The following DNAH2 variants were observed in gnomAD, a reference collection of about 807,000 sequenced individuals.
The protein encoded by DNAH2 is dynein axonemal heavy chain 2.
Under a neutral mutation model 523.5 loss-of-function variants are expected in DNAH2, and 323 were observed. That is an observed-to-expected ratio of 0.62 (90% CI 0.56 to 0.68). The LOEUF (loss-of-function observed/expected upper bound fraction) is 0.68. Among genes scored for constraint, DNAH2 ranks in the 30% least tolerant of loss-of-function variants. The pLI is 0.00. For synonymous variants in DNAH2, 2,093 were observed against 2,177.4 expected (o/e 0.96, Z 1.08); for missense variants, 4,907 against 5,701.5 (o/e 0.86, Z 4.49).
At chr17:7,737,378 G>C in intron 8 of DNAH2, 120 bp downstream of exon 8, 1 of 1,088,076 alleles carries the variant, frequency 9.2e-7, no homozygotes, top group Non-Finnish European at 1.3e-6. Flanking sequence ...TTGCCCTTCT[G>C]CTCAGAGACT....
rs984550977 is a variant in DNAH2, at chr17:7,780,919, C to T, written c.6004-123C>T. ...CACCTCGTCCCATCCCCGTGTTGCC[C>T]GCTGCTTTGCTAATGGCTAACTGGT... On this transcript the variant is annotated intron_variant, in intron 38 of 85. Transcript: ENST00000572933. This position sits in a 1 kb window ranked among gnomAD's most constrained non-coding sequence, Gnocchi z 4.4. 89 of 1,580,490 alleles carry T rather than the reference C, an allele frequency of 5.6e-5. No homozygotes were observed. Among genetic ancestry groups the T allele is most frequent in the South Asian group, 4.4e-4 (39 of 88,284 alleles).
Position 7,804,293 on chromosome 17 carries a change from G to C in DNAH2, c.9010G>C (p.Ala3004Pro). 6.2e-7 allele frequency: 1 copy of C among 1,614,204 alleles called. No homozygotes were observed. Among genetic ancestry groups the C allele is most frequent in the Non-Finnish European group, 8.5e-7 (1 of 1,180,040 alleles). ...AAAACGGCAGGAGCTGCTGGCCCAAGCCAATAAACTGCGGACAGGCTTGTT... is the reference window on the plus strand; with the variant it reads ...AAAACGGCAGGAGCTGCTGGCCCAACCCAATAAACTGCGGACAGGCTTGTT... ...GEKRQELLAQ[A>P]NKLRTGLFKI... The change falls in exon 59 of 86, where the codon GCC becomes CCC. Residue 3004 changes from alanine to proline, a missense_variant. Coordinates refer to ENST00000572933, the MANE Select transcript of DNAH2 (RefSeq NM_020877.5).
chr17:7,799,691 G>A (rs1262993245), intron 56 of DNAH2, among the ~76,000 whole-genome samples: 12 of 151,994 alleles, frequency 7.9e-5, no homozygotes, highest in Admixed American at 3.9e-4. Flanking sequence ...TGGCGGGGGC[G>A]CCTGTAGTCC....
At chr17:7,820,900 G>A (rs749662733) in intron 72 of DNAH2, among the ~76,000 whole-genome samples, 1 of 152,112 alleles carries the variant, frequency 6.6e-6, no homozygotes, top group African/African-American at 2.4e-5. Flanking sequence ...TTAGCCAGGC[G>A]TGGTGATGGG....
chr17:7,810,841 G>A (rs2077497557), intron 63 of DNAH2, among the ~76,000 whole-genome samples: 1 of 149,686 alleles, frequency 6.7e-6, no homozygotes, highest in African/African-American at 2.4e-5. Context: ...CTTATGCATG[G>A]TACTGAGGCT....
intron 28 of DNAH2, 55 bp from the exon 29 acceptor site, chr17:7,774,704 A>C: frequency 6.6e-7 from 1 of 1,521,294 alleles, no homozygotes; most frequent in East Asian, 2.3e-5. Context: ...GGGCATCCAG[A>C]TCCGCCCAGG....
In DNAH2 at chr17:7,804,369, A is replaced by G. The variant is rs2077307211; in HGVS notation, c.9086A>G (p.Glu3029Gly). Residue 3029 changes from glutamate to glycine, a missense_variant, in exon 59 of 86, where the codon GAG becomes GGG. By Grantham distance (98) the Glu-to-Gly change is moderately conservative. Around this residue, in one of 3 missense-constraint regions of DNAH2, gnomAD observed 1,851 missense variants for 2,139.4 expected, o/e 0.87. Transcript: ENST00000572933. ...EKVQVMSLEL[E>G]DAKKKVAEFQ... ...GTGCAAGTGATGTCGTTGGAGCTGG[A>G]GGATGCCAAGAAGAAGGTGGCTGAG... The G allele has an allele frequency of 1.2e-6, 2 of 1,614,182 alleles. No homozygotes were observed. Among genetic ancestry groups the G allele is most frequent in the South Asian group, 2.2e-5 (2 of 91,088 alleles).
At chr17:7,764,751 C>T (rs113597062) in intron 20 of DNAH2, among the ~76,000 whole-genome samples, 30,073 of 147,814 alleles carry the variant, frequency 0.2, 4,057 homozygotes, top group Non-Finnish European at 0.3. Flanking sequence ...TGTGAGCCAC[C>T]GCACCCAGCT....
chr17:7,794,279 G>C lies in DNAH2; in HGVS notation c.7595G>C (p.Gly2532Ala). The change falls in exon 49 of 86, where the codon GGC (glycine) becomes GCC (alanine). Residue 2532 changes from glycine to alanine, a missense_variant. By Grantham distance (60) the Gly-to-Ala change is moderately conservative. Transcript: ENST00000572933. ...GAAATGTTCCTGATGGCTGCCATGG[G>C]CCCCCCTGGGGGTGGACGGACTGTC... is the stretch of plus-strand genomic sequence containing the variant. ...IREMFLMAAM[G>A]PPGGGRTVIS... 1 of 1,608,390 alleles carries C rather than the reference G, an allele frequency of 6.2e-7. No homozygotes were observed. Among genetic ancestry groups the C allele is most frequent in the Non-Finnish European group, 8.5e-7 (1 of 1,177,546 alleles).
intron 58 of DNAH2, among the ~76,000 whole-genome samples, chr17:7,803,425 C>T (rs886802910): frequency 1.3e-5 from 2 of 152,202 alleles, no homozygotes; most frequent in African/African-American, 4.8e-5. Context: ...AATCCCAGCA[C>T]TTTGGGAGGC....
intron 3 of DNAH2, among the ~76,000 whole-genome samples, chr17:7,726,809 C>T (rs1354446031): frequency 4.6e-5 from 7 of 152,078 alleles, no homozygotes; most frequent in African/African-American, 1.7e-4. Context: ...TTCACCTTTA[C>T]CTTTGAGATC....
intron 12 of DNAH2, among the ~76,000 whole-genome samples, chr17:7,750,076 A>C (rs936322839): frequency 1.3e-5 from 2 of 152,050 alleles, no homozygotes; most frequent in African/African-American, 4.8e-5. Flanking sequence ...GTTGCCCAGG[A>C]TCTCTGCTCT....
intron 3 of DNAH2, among the ~76,000 whole-genome samples, chr17:7,724,742 C>CTTTTT (rs57294591): frequency 0.63 from 81,898 of 129,942 alleles, 27,566 homozygotes; most frequent in Non-Finnish European, 0.72. Context: ...TCATATGTTA[C>CTTTTT]TTTTTTTTTT....
At chr17:7,758,308 T>G (rs1327083198) in intron 13 of DNAH2, among the ~76,000 whole-genome samples, 187 bp from the exon 14 acceptor site, 1 of 152,168 alleles carries the variant, frequency 6.6e-6, no homozygotes, top group Admixed American at 6.5e-5. Context: ...TGGCAATCAC[T>G]TTTGCACCAA....
At chr17:7,833,347 A>G (rs1567776724) in intron 85 of DNAH2, 32 bp from the exon 86 acceptor site, 2 of 1,611,870 alleles carry the variant, frequency 1.2e-6, no homozygotes, top group Non-Finnish European at 1.7e-6. Flanking sequence ...CGGAGGCTCC[A>G]GGGGTCTGAC....
Position 7,734,244 on chromosome 17 carries a change from GA to G in DNAH2, c.692del (p.Lys231SerfsTer5). 1 of 1,607,418 alleles carries G rather than the reference GA, an allele frequency of 6.2e-7. No individual in the cohort carries two copies. The highest frequency in any genetic ancestry group is 1.7e-4 in the Middle Eastern group (1 of 6,056). ...LYIPAEAMNM[K>X]PEMVIKDKEL... is the part of the protein sequence containing the mutation. Reference sequence around the variant, plus strand: ...ACATCCCTGCAGAGGCCATGAACATGAAGCCTGAGATGGTGATAAAGGACAA... The same window carrying G: ...ACATCCCTGCAGAGGCCATGAACATGAGCCTGAGATGGTGATAAAGGACAA... On this transcript the variant is annotated frameshift_variant, in exon 6 of 86. Coordinates refer to ENST00000572933, the MANE Select transcript of DNAH2 (RefSeq NM_020877.5). LOFTEE classifies it high-confidence loss of function.
At chr17:7,815,926 G>C (rs775036833) in intron 63 of DNAH2, among the ~76,000 whole-genome samples, 9 of 152,158 alleles carry the variant, frequency 5.9e-5, no homozygotes, top group South Asian at 2.1e-4. Context: ...TCTAGTGTGG[G>C]ACCTTGCACT....
intron 33 of DNAH2, 35 bp downstream of exon 33, chr17:7,777,669 T>C (rs750940813): frequency 6.2e-7 from 1 of 1,610,562 alleles, no homozygotes; most frequent in Admixed American, 1.7e-5. Flanking sequence ...TCTCTTACCG[T>C]AAAATGGATC....
At chr17:7,772,678 G>A (rs1046378089) in intron 28 of DNAH2, among the ~76,000 whole-genome samples, 3 of 152,260 alleles carry the variant, frequency 2.0e-5, no homozygotes, top group East Asian at 1.9e-4. Context: ...GTATGGGGCT[G>A]TAGGCTGGGA....
Sources: gnomAD v4.1 joint callset for allele counts (sites outside exome capture counted in the v4.1 genomes callset) on GRCh38, gnomAD v4.1.1 for gene constraint, gnomAD v4.1.1 regional missense constraint, Gnocchi (gnomAD v3.1) non-coding constraint, MANE v1.5 for transcripts, NCBI Gene and HGNC (gene_info 2026-07-23, HGNC 2026-07-21) for gene names.